The following TNMD variants were observed in gnomAD, a reference collection of about 807,000 sequenced individuals.
TNMD encodes tenomodulin.
TNMD carries 15 observed loss-of-function variants against 26.9 expected under a neutral mutation model. The ratio of observed to expected loss-of-function variants is 0.56; its 90% CI spans 0.37 to 0.86. The LOEUF (loss-of-function observed/expected upper bound fraction) is 0.86, where lower values mean the gene tolerates loss of function less well. TNMD is among the 40% of genes least tolerant of loss of function. The probability of loss-of-function intolerance (pLI) is 0.00; values close to 1 mark genes in which losing one functional copy is unlikely to be tolerated. For synonymous variants in TNMD, 73 were observed against 77.0 expected, an observed-to-expected ratio of 0.95 and a Z score of 0.27; for missense variants, 222 against 242.6, an observed-to-expected ratio of 0.92 and a Z score of 0.56.
rs763617099 is a variant in TNMD, at chrX:100,594,321, G to T, written c.382G>T (p.Val128Leu). The T allele has an allele frequency of 8.3e-7, 1 of 1,199,591 alleles. No homozygotes were observed. The highest frequency in any genetic ancestry group is 1.1e-6 in the Non-Finnish European group (1 of 887,944). The change falls in exon 4 of 7, where the codon GTG becomes TTG. Residue 128 changes from valine (V) to leucine (L), a missense_variant. Val to Leu is a conservative substitution (Grantham distance 32). Coordinates refer to ENST00000373031, the MANE Select transcript of TNMD (RefSeq NM_022144.3). The part of the protein sequence containing the change: ...QKCFIKTQIK[V>L]IPEFSEPEEE... Reference sequence around the variant, plus strand: ...ATGTTTTATCAAAACTCAGATTAAAGTGATTCCTGAATTTTCTGAACCAGA... The same window carrying T: ...ATGTTTTATCAAAACTCAGATTAAATTGATTCCTGAATTTTCTGAACCAGA...
chrX:100,598,888 C>G (rs1172235055), intron 5 of TNMD, 128 bp from the exon 6 acceptor site: 1 of 483,668 alleles, frequency 2.1e-6, no homozygotes, highest in African/African-American at 2.5e-5. Flanking sequence ...GAAAAGTGGT[C>G]CATGCCTAAA....
chrX:100,593,835 A>T, intron 2 of TNMD, 60 bp from the exon 3 acceptor site: 1 of 1,155,238 alleles, frequency 8.7e-7, no homozygotes, highest in Non-Finnish European at 1.2e-6. Flanking sequence ...AGCGCCAAAA[A>T]GCACCTCACT....
At chrX:100,590,588 C>T (rs1033148161) in intron 2 of TNMD, among the ~76,000 whole-genome samples, 7 of 111,983 alleles carry the variant, frequency 6.3e-5, no homozygotes, top group Non-Finnish European at 1.3e-4. Flanking sequence ...TGGGTTGTGT[C>T]CTCTACATAT....
intron 4 of TNMD, among the ~76,000 whole-genome samples, chrX:100,595,908 A>G (rs1284202199): frequency 8.9e-6 from 1 of 112,677 alleles, no homozygotes. Context: ...CAATAGGATT[A>G]AAAAGCTACT....
At chrX:100,597,430 A>C in intron 4 of TNMD, 74 bp from the exon 5 acceptor site, 2 of 1,098,819 alleles carry the variant, frequency 1.8e-6, no homozygotes. Flanking sequence ...ATTGCTTTCC[A>C]GCATCCCATA....
chrX:100,589,425 TC>T (rs2082931190), intron 2 of TNMD, among the ~76,000 whole-genome samples: 1 of 108,551 alleles, frequency 9.2e-6, no homozygotes, highest in African/African-American at 3.4e-5. Context: ...GAGACCCAGG[TC>T]CACCCTTGTA....
intron 2 of TNMD, among the ~76,000 whole-genome samples, chrX:100,592,757 C>T (rs1271031640): frequency 8.9e-6 from 1 of 112,211 alleles, no homozygotes; most frequent in Non-Finnish European, 1.9e-5. Flanking sequence ...AAAAATGACC[C>T]AACCTGGTGT....
chrX:100,587,225 G>T (rs1473057467), intron 2 of TNMD, among the ~76,000 whole-genome samples: 1 of 112,186 alleles, frequency 8.9e-6, no homozygotes, highest in Non-Finnish European at 1.9e-5. Flanking sequence ...CTCACTTGCA[G>T]CTTCATGGTC....
intron 2 of TNMD, among the ~76,000 whole-genome samples, chrX:100,593,010 C>T (rs1401934155): frequency 5.3e-5 from 6 of 112,216 alleles, no homozygotes; most frequent in Non-Finnish European, 1.1e-4. Context: ...TTTGCTTCTA[C>T]CTATAAATAT....
intron 4 of TNMD, among the ~76,000 whole-genome samples, chrX:100,596,518 A>G (rs1437923949): frequency 9.0e-6 from 1 of 111,153 alleles, no homozygotes; most frequent in Non-Finnish European, 1.9e-5. Flanking sequence ...TTTTTTTTTA[A>G]TGAGACAAAT....
chrX:100,597,364 G>A, intron 4 of TNMD, 140 bp from the exon 5 acceptor site: 2 of 699,498 alleles, frequency 2.9e-6, no homozygotes, highest in Non-Finnish European at 4.2e-6. Context: ...CTGAATGCAA[G>A]GCACAGAGCT....
At chrX:100,587,029 G>A (rs759270169) in intron 2 of TNMD, among the ~76,000 whole-genome samples, 35 of 112,317 alleles carry the variant, frequency 3.1e-4, no homozygotes, top group African/African-American at 1.1e-3. Flanking sequence ...TAGTCCTTTT[G>A]ACCACCCTTA....
intron 2 of TNMD, among the ~76,000 whole-genome samples, chrX:100,592,150 G>A (rs2082939658): frequency 9.0e-6 from 1 of 111,625 alleles, no homozygotes; most frequent in African/African-American, 3.3e-5. Flanking sequence ...CTCAAAAATG[G>A]ATAGTATTTC....
At chrX:100,598,330 T>TA (rs2082958711) in intron 5 of TNMD, among the ~76,000 whole-genome samples, 1 of 111,695 alleles carries the variant, frequency 9.0e-6, no homozygotes, top group Admixed American at 9.5e-5. Flanking sequence ...CATCTGTGGG[T>TA]ACTCTTTAGA....
chrX:100,597,749 C>A, intron 5 of TNMD, 92 bp downstream of exon 5: 1 of 958,854 alleles, frequency 1.0e-6, no homozygotes, highest in Non-Finnish European at 1.5e-6. Flanking sequence ...TCTAGGAAAA[C>A]AAATGATCGG....
In TNMD at chrX:100,593,899, A is replaced by G. The variant is rs370268358; in HGVS notation, c.185A>G (p.Tyr62Cys). Reference sequence around the variant, plus strand: ...TGTTTTCCTCTGTTCTCCCAGGCCTATGACATGGAGCACACTTTCTACAGC... The same window carrying G: ...TGTTTTCCTCTGTTCTCCCAGGCCTGTGACATGGAGCACACTTTCTACAGC... Reference protein sequence around the residue: ...HFWPEVPKKAYDMEHTFYSNG... With the variant: ...HFWPEVPKKACDMEHTFYSNG... The change falls in exon 3 of 7, where the codon TAT (tyrosine) becomes TGT (cysteine). Residue 62 changes from tyrosine to cysteine, a missense_variant. Transcript: ENST00000373031. 8.3e-7 allele frequency: 1 copy of G among 1,207,723 alleles called. No homozygotes were observed.
At chrX:100,598,621 C>G (rs1569344198) in intron 5 of TNMD, among the ~76,000 whole-genome samples, 1 of 111,808 alleles carries the variant, frequency 8.9e-6, no homozygotes, top group Non-Finnish European at 1.9e-5. Context: ...AAATTTAAGA[C>G]AAGAAACATA....
intron 2 of TNMD, among the ~76,000 whole-genome samples, chrX:100,588,949 G>GTAATATA (rs2082929572): frequency 9.0e-6 from 1 of 111,325 alleles, no homozygotes; most frequent in Non-Finnish European, 1.9e-5. Context: ...GCAATGAGGA[G>GTAATATA]TGGTAGGGAT....
intron 2 of TNMD, among the ~76,000 whole-genome samples, chrX:100,587,636 C>T (rs1006977792): frequency 1.8e-5 from 2 of 111,723 alleles, no homozygotes; most frequent in African/African-American, 6.5e-5. Context: ...ACTAAGAAAT[C>T]AGCTGGAAAT....
Sources: allele counts gnomAD v4.1 joint callset (sites outside exome capture counted in the v4.1 genomes callset), GRCh38; gene constraint gnomAD v4.1.1; transcripts MANE v1.5; gene names NCBI Gene and HGNC (gene_info 2026-07-23, HGNC 2026-07-21).